Variants in NHERF4 observed in about 807,000 individuals in gnomAD.
NHERF4 encodes the protein Na(+)/H(+) exchange regulatory cofactor NHE-RF4.
chr11:119,186,563 T>C, the NHERF4 span: 10 of 1,614,134 alleles, frequency 6.2e-6, no homozygotes, highest in Non-Finnish European at 8.5e-6. The surrounding 1 kb of genome is among the most constrained non-coding windows in gnomAD (Gnocchi z 4.4). Flanking sequence ...CAGCAGGAGC[T>C]GGGCAGGGCT....
At chr11:119,188,453 G>A in the NHERF4 span, 4 of 1,613,246 alleles carry the variant, frequency 2.5e-6, no homozygotes, top group Non-Finnish European at 3.4e-6. Flanking sequence ...GAGCGTGGAG[G>A]GGCTGGGCCA....
chr11:119,186,267 G>C, the NHERF4 span: 1 of 1,612,438 alleles, frequency 6.2e-7, no homozygotes, highest in Non-Finnish European at 8.5e-7. This position sits in a 1 kb window ranked among gnomAD's most constrained non-coding sequence, Gnocchi z 4.4. Flanking sequence ...GTCTCCCTCT[G>C]ATAACAGCCT....
the NHERF4 span, chr11:119,187,981 G>A: frequency 6.4e-7 from 1 of 1,574,648 alleles, no homozygotes. Context: ...TGGTGGCAGG[G>A]CCAGAGGTGG....
At chr11:119,188,906 T>G in the NHERF4 span, 1 of 1,611,006 alleles carries the variant, frequency 6.2e-7, no homozygotes, top group Non-Finnish European at 8.5e-7. Context: ...CCTTCGATCC[T>G]TTGCTGCCTG....
the NHERF4 span, chr11:119,187,562 A>C: frequency 6.3e-7 from 1 of 1,595,598 alleles, no homozygotes; most frequent in Non-Finnish European, 8.5e-7. Context: ...TTTAATTTCT[A>C]GGCAATCAGG....
At chr11:119,187,976 G>T in the NHERF4 span, 1 of 1,574,622 alleles carries the variant, frequency 6.4e-7, no homozygotes, top group East Asian at 2.3e-5. Flanking sequence ...CTTGCTGGTG[G>T]CAGGGCCAGA....
At chr11:119,188,642 T>A in the NHERF4 span, 1 of 1,614,058 alleles carries the variant, frequency 6.2e-7, no homozygotes, top group Non-Finnish European at 8.5e-7. Context: ...CCTTCCAGGT[T>A]CGCCTGTCCC....
the NHERF4 span, chr11:119,188,005 C>G: frequency 1.9e-6 from 3 of 1,568,474 alleles, no homozygotes; most frequent in Non-Finnish European, 2.6e-6. Flanking sequence ...AACAGTGTCG[C>G]CAGCTGGGAT....
At chr11:119,189,908 G>A in the NHERF4 span, 2 of 331,070 alleles carry the variant, frequency 6.0e-6, no homozygotes, top group Non-Finnish European at 1.1e-5. The surrounding 1 kb of genome is among the most constrained non-coding windows in gnomAD (Gnocchi z 5.8). Flanking sequence ...GTGGTGCTTG[G>A]TCACCGTTGC....
At chr11:119,185,846 T>C in the NHERF4 span, 1 of 1,596,776 alleles carries the variant, frequency 6.3e-7, no homozygotes, top group East Asian at 2.2e-5. Flanking sequence ...TGAGTCCTTT[T>C]AGTTTATGCC....
At chr11:119,188,440 G>A in the NHERF4 span, 1 of 1,613,426 alleles carries the variant, frequency 6.2e-7, no homozygotes, top group African/African-American at 1.3e-5. Context: ...CTGTGGCTGG[G>A]GAGAGCGTGG....
At chr11:119,188,150 T>C in the NHERF4 span, 2 of 1,530,388 alleles carry the variant, frequency 1.3e-6, no homozygotes, top group Admixed American at 2.0e-5. Flanking sequence ...CCCTGGTGAG[T>C]GGGAGCCCTG....
chr11:119,186,214 C>T, the NHERF4 span: 26 of 1,614,000 alleles, frequency 1.6e-5, no homozygotes, highest in Non-Finnish European at 1.9e-5. This position sits in a 1 kb window ranked among gnomAD's most constrained non-coding sequence, Gnocchi z 4.4. Flanking sequence ...GGAGGCACCA[C>T]GGCTCCACAC....
At chr11:119,188,901 G>A in the NHERF4 span, 9 of 1,611,918 alleles carry the variant, frequency 5.6e-6, no homozygotes, top group Middle Eastern at 1.7e-4. Flanking sequence ...GAATCCCTTC[G>A]ATCCTTTGCT....
the NHERF4 span, chr11:119,187,155 A>AG: frequency 2.3e-6 from 2 of 871,688 alleles, no homozygotes; most frequent in Admixed American, 3.2e-5. Flanking sequence ...AAAAAAAAAA[A>AG]AAAGAAAAAG....
chr11:119,187,331 C>A, the NHERF4 span: 4 of 1,613,336 alleles, frequency 2.5e-6, no homozygotes, highest in East Asian at 2.2e-5. Flanking sequence ...GCACGGCATG[C>A]ACATGACGTG....
At chr11:119,186,305 G>A in the NHERF4 span, 19 of 1,588,098 alleles carry the variant, frequency 1.2e-5, no homozygotes, top group African/African-American at 1.3e-5. This position sits in a 1 kb window ranked among gnomAD's most constrained non-coding sequence, Gnocchi z 4.4. Flanking sequence ...AGGAGGGGCC[G>A]GGTGTTTTCT....
At chr11:119,186,633 A>G in the NHERF4 span, 2 of 1,613,110 alleles carry the variant, frequency 1.2e-6, no homozygotes, top group East Asian at 4.5e-5. This position sits in a 1 kb window ranked among gnomAD's most constrained non-coding sequence, Gnocchi z 4.4. Context: ...GTCTTCAGGA[A>G]GGAGACAGGA....
the NHERF4 span, chr11:119,188,209 A>T: frequency 6.5e-7 from 1 of 1,528,156 alleles, no homozygotes; most frequent in Non-Finnish European, 8.8e-7. Flanking sequence ...AAGCGTATAT[A>T]CACCTTTCAG....
Sources: allele counts gnomAD v4.1 joint callset, GRCh38; gene constraint gnomAD v4.1.1; non-coding constraint Gnocchi (gnomAD v3.1); transcripts MANE v1.5; gene names NCBI Gene and HGNC (gene_info 2026-07-23, HGNC 2026-07-21).